The following ASPRV1 variants were observed in gnomAD, a reference collection of about 807,000 sequenced individuals.
ASPRV1 encodes the protein aspartic peptidase retroviral like 1.
A neutral mutation model predicts 11.0 loss-of-function variants in ASPRV1; 7 were observed. That is an observed-to-expected ratio of 0.64 (90% confidence interval 0.36 to 1.20). The LOEUF (loss-of-function observed/expected upper bound fraction) is 1.20, where lower values mean the gene tolerates loss of function less well. Among genes scored for constraint, ASPRV1 ranks in the 50% most tolerant of loss-of-function variants. ASPRV1 has a pLI of 0.02. For missense variants in ASPRV1, 299 were observed against 320.0 expected (o/e 0.93, Z 0.50); for synonymous variants, 136 against 138.4 (o/e 0.98, Z 0.12).
upstream of ASPRV1, chr2:69,964,303 T>C (rs528692231): frequency 1.8e-5 from 8 of 451,994 alleles, no homozygotes; most frequent in Middle Eastern, 3.3e-4. Context: ...CCCTTCGGGC[T>C]GTGTCTGTCC....
the ASPRV1 span, among the ~76,000 whole-genome samples, chr2:70,057,577 C>A: frequency 6.6e-6 from 1 of 151,932 alleles, no homozygotes; most frequent in Non-Finnish European, 1.5e-5. Context: ...CTCCCAGGTT[C>A]CAGCAATTCT....
the ASPRV1 span, among the ~76,000 whole-genome samples, chr2:70,067,650 A>G: frequency 6.6e-6 from 1 of 152,246 alleles, no homozygotes; most frequent in African/African-American, 2.4e-5. Flanking sequence ...ATAAGATGTT[A>G]TATCACTTGT....
the ASPRV1 span, chr2:69,941,286 T>C: frequency 1.3e-5 from 2 of 152,220 alleles, no homozygotes; most frequent in African/African-American, 4.8e-5. Context: ...AAAACATAGC[T>C]TTCCATCCCC....
the ASPRV1 span, among the ~76,000 whole-genome samples, chr2:70,038,808 G>C: frequency 1.3e-5 from 2 of 152,230 alleles, no homozygotes; most frequent in African/African-American, 4.8e-5. Flanking sequence ...GCTGGGTGGG[G>C]TGGCTTACGC....
the ASPRV1 span, among the ~76,000 whole-genome samples, chr2:70,016,604 T>C: frequency 6.6e-6 from 1 of 152,078 alleles, no homozygotes. Context: ...CCCAGCACTT[T>C]GGGAGGCGAA....
downstream of ASPRV1, among the ~76,000 whole-genome samples, chr2:69,956,435 A>G (rs1677937458): frequency 1.3e-5 from 2 of 149,896 alleles, no homozygotes; most frequent in South Asian, 4.3e-4. Context: ...AAGAAAGAAG[A>G]AGGAGAAGGA....
chr2:70,079,838 G>A, the ASPRV1 span, among the ~76,000 whole-genome samples: 1 of 152,130 alleles, frequency 6.6e-6, no homozygotes, highest in African/African-American at 2.4e-5. Context: ...ACACACAGAA[G>A]GGTTCTATTT....
At chr2:69,981,299 A>G in the ASPRV1 span, among the ~76,000 whole-genome samples, 2 of 152,192 alleles carry the variant, frequency 1.3e-5, no homozygotes, top group African/African-American at 2.4e-5. Flanking sequence ...ATGATGATAG[A>G]AAGTGGACAG....
At chr2:70,028,906 C>T in the ASPRV1 span, among the ~76,000 whole-genome samples, 1 of 152,172 alleles carries the variant, frequency 6.6e-6, no homozygotes, top group East Asian at 1.9e-4. Context: ...CGTGCCACTG[C>T]ACTCCAGCCT....
chr2:70,059,351 G>A, the ASPRV1 span, among the ~76,000 whole-genome samples: 1 of 150,748 alleles, frequency 6.6e-6, no homozygotes, highest in East Asian at 1.9e-4. Context: ...TTGTTACATA[G>A]GTATGCACAC....
At chr2:69,979,046 G>GT in the ASPRV1 span, among the ~76,000 whole-genome samples, 3 of 151,970 alleles carry the variant, frequency 2.0e-5, no homozygotes, top group Non-Finnish European at 4.4e-5. Flanking sequence ...GTTTGTTTTT[G>GT]TTTTTTTGAG....
At chr2:70,040,705 G>T in the ASPRV1 span, among the ~76,000 whole-genome samples, 1 of 152,038 alleles carries the variant, frequency 6.6e-6, no homozygotes, top group East Asian at 1.9e-4. Flanking sequence ...GCAGTGGCAG[G>T]CCCCTGTAAT....
the ASPRV1 span, among the ~76,000 whole-genome samples, chr2:70,077,117 C>T: frequency 3.4e-4 from 51 of 152,224 alleles, no homozygotes; most frequent in Non-Finnish European, 5.3e-4. Context: ...CTCATAGTAC[C>T]GGAATCATAT....
chr2:70,018,290 A>G, the ASPRV1 span, among the ~76,000 whole-genome samples: 9 of 152,224 alleles, frequency 5.9e-5, no homozygotes, highest in Non-Finnish European at 1.3e-4. Flanking sequence ...CACACAAAAC[A>G]TGGAAAGATA....
At chr2:70,026,375 A>G in the ASPRV1 span, among the ~76,000 whole-genome samples, 2 of 145,152 alleles carry the variant, frequency 1.4e-5, no homozygotes, top group Non-Finnish European at 3.0e-5. Context: ...GAGCAATCAG[A>G]AAAAAAAAAA....
chr2:70,049,783 A>G, the ASPRV1 span: 1 of 152,100 alleles, frequency 6.6e-6, no homozygotes, highest in African/African-American at 2.4e-5. Context: ...TTTACATGGT[A>G]TATTCACCCC....
At chr2:70,074,154 A>C in the ASPRV1 span, among the ~76,000 whole-genome samples, 1 of 150,192 alleles carries the variant, frequency 6.7e-6, no homozygotes, top group Non-Finnish European at 1.5e-5. Flanking sequence ...AAAAAAAAAA[A>C]AAAAAACAGA....
chr2:69,935,498 T>C, the ASPRV1 span: 7 of 1,439,342 alleles, frequency 4.9e-6, no homozygotes, highest in Non-Finnish European at 4.9e-6. Flanking sequence ...GCTTTATCTT[T>C]ACCTGTTCAG....
chr2:70,083,167 AG>A, the ASPRV1 span, among the ~76,000 whole-genome samples: 1 of 152,228 alleles, frequency 6.6e-6, no homozygotes, highest in African/African-American at 2.4e-5. Flanking sequence ...TTTGAGTTTA[AG>A]GTAAAGCTAT....
Sources: gnomAD v4.1 joint callset for allele counts (sites outside exome capture counted in the v4.1 genomes callset) on GRCh38, gnomAD v4.1.1 for gene constraint, MANE v1.5 for transcripts, NCBI Gene and HGNC (gene_info 2026-07-23, HGNC 2026-07-21) for gene names.